The following CERK variants were observed in gnomAD, a reference collection of about 807,000 sequenced individuals.
CERK encodes the protein ceramide kinase.
In CERK, 39 loss-of-function variants were observed where a neutral mutation model predicts 63.4. That is an observed-to-expected ratio of 0.61 (90% CI 0.48 to 0.80). The LOEUF is 0.80. Among genes scored for constraint, CERK ranks in the 30% least tolerant of loss-of-function variants. CERK has a pLI of 0.00. For synonymous variants in CERK, 302 were observed against 280.0 expected (o/e 1.08, Z -0.78); for missense variants, 670 against 714.1 (o/e 0.94, Z 0.70).
intron 1 of CERK, among the ~76,000 whole-genome samples, chr22:46,732,793 G>A (rs375455533): frequency 6.6e-6 from 1 of 152,030 alleles, no homozygotes; most frequent in African/African-American, 2.4e-5. Flanking sequence ...CTACTCAGAC[G>A]CTCAGCATCC....
chr22:46,727,144 A>G (rs2082922596), intron 1 of CERK, among the ~76,000 whole-genome samples: 1 of 152,222 alleles, frequency 6.6e-6, no homozygotes, highest in South Asian at 2.1e-4. Context: ...ACGGATGATG[A>G]AGAAAATCTC....
chr22:46,733,706 C>G (rs898750598), intron 1 of CERK, among the ~76,000 whole-genome samples: 2 of 151,984 alleles, frequency 1.3e-5, no homozygotes, highest in South Asian at 4.1e-4. Flanking sequence ...GTTAGGAGAG[C>G]CTTTTCCCAT....
chr22:46,702,227 GTGTGTGTGT>G (rs1569322058), intron 6 of CERK, among the ~76,000 whole-genome samples: 1 of 85,202 alleles, frequency 1.2e-5, no homozygotes, highest in African/African-American at 5.0e-5. Context: ...ATATATATGT[GTGTGTGTGT>G]GTGTGTGTGT....
chr22:46,706,454 T>C (rs2146562361), intron 6 of CERK, among the ~76,000 whole-genome samples: 1 of 152,216 alleles, frequency 6.6e-6, no homozygotes, highest in Middle Eastern at 3.4e-3. Flanking sequence ...AGAGACTTGT[T>C]ATTGGAAGGG....
chr22:46,718,071 G>T (rs1286286646), intron 3 of CERK, among the ~76,000 whole-genome samples: 1 of 151,318 alleles, frequency 6.6e-6, no homozygotes, highest in Non-Finnish European at 1.5e-5. Flanking sequence ...GAGTGAGATT[G>T]TCTCAAAAAC....
chr22:46,727,921 T>C (rs1452044558), intron 1 of CERK, among the ~76,000 whole-genome samples: 2 of 150,668 alleles, frequency 1.3e-5, no homozygotes, highest in East Asian at 2.0e-4. Context: ...TGCCAAATCA[T>C]TCCTCTCAGG....
rs150385754 is a variant in CERK at position 46,710,990 on chromosome 22, G to A, written c.569+96C>T. 1,207 of 930,884 alleles carry A rather than the reference G, an allele frequency of 1.3e-3. 31 individuals carry two copies. The East Asian group carries it at 0.026, about 20-fold the overall frequency. 57.7% of individuals were successfully genotyped at this position (930,884 alleles called of 1,614,324 possible). On this transcript the variant is annotated intron_variant, in intron 5 of 12. Transcript: ENST00000216264. ...ACAATTGGTCGTGGGTGGAGGCGGGGGGCGGATTTAGGAAAAGGAGCTCTC... is the reference window on the plus strand; with the variant it reads ...ACAATTGGTCGTGGGTGGAGGCGGGAGGCGGATTTAGGAAAAGGAGCTCTC...
intron 1 of CERK, among the ~76,000 whole-genome samples, chr22:46,721,303 A>T (rs7284971): frequency 0.11 from 16,027 of 151,600 alleles, 929 homozygotes; most frequent in African/African-American, 0.13. Context: ...ATATATATAT[A>T]TTTTTTTGAG....
chr22:46,689,680 G>A (rs894293937), intron 12 of CERK, among the ~76,000 whole-genome samples: 4 of 152,112 alleles, frequency 2.6e-5, no homozygotes, highest in African/African-American at 9.7e-5. Flanking sequence ...CCAGGGCAAA[G>A]AGCCCAATGC....
intron 10 of CERK, among the ~76,000 whole-genome samples, chr22:46,692,426 T>TAAAAAAAAA (rs553286743): frequency 2.1e-5 from 2 of 93,114 alleles, no homozygotes; most frequent in African/African-American, 9.5e-5. Flanking sequence ...AACTCTGTCT[T>TAAAAAAAAA]AAAAAAAAAA....
At chr22:46,697,963 C>T (rs760217710) in intron 8 of CERK, among the ~76,000 whole-genome samples, 1 of 152,202 alleles carries the variant, frequency 6.6e-6, no homozygotes, top group Non-Finnish European at 1.5e-5. Flanking sequence ...AACAGGTCAC[C>T]GCCGCCTGGC....
At chr22:46,692,104 A>G (rs1396645769) in intron 10 of CERK, among the ~76,000 whole-genome samples, 1 of 152,186 alleles carries the variant, frequency 6.6e-6, no homozygotes, top group Non-Finnish European at 1.5e-5. Context: ...GTGTGGCCTG[A>G]GAGCTAAGAA....
rs541714180 is a variant in CERK, at chr22:46,726,033, C to T, written c.143-5018G>A. Among the ~76,000 whole-genome samples, 153 of 152,366 alleles carry T rather than the reference C, an allele frequency of 1.0e-3. 4 individuals carry two copies. The South Asian group carries it at 0.029, about 29-fold the overall frequency. On this transcript the variant is annotated intron_variant, in intron 1 of 12. Transcript: ENST00000216264. ...GAAGTTCCCGGATTAAACTGAGCCACGCGCAGTGGCCTCCCATCCAGCAGG... is the reference window on the plus strand; with the variant it reads ...GAAGTTCCCGGATTAAACTGAGCCATGCGCAGTGGCCTCCCATCCAGCAGG...
intron 3 of CERK, among the ~76,000 whole-genome samples, chr22:46,716,803 G>A (rs757428801): frequency 1.4e-4 from 21 of 151,914 alleles, no homozygotes; most frequent in Non-Finnish European, 2.2e-4. Context: ...CTAGCCAGGC[G>A]TGGTGGCACA....
chr22:46,690,272 A>G, intron 11 of CERK, 72 bp from the exon 12 acceptor site: 10 of 1,262,180 alleles, frequency 7.9e-6, no homozygotes, highest in Non-Finnish European at 1.1e-5. Context: ...AGAACACCCC[A>G]GGCCTGACAG....
chr22:46,695,015 CATGGGGACAGAG>C (rs1462136111), intron 9 of CERK, among the ~76,000 whole-genome samples, 183 bp downstream of exon 9: 1 of 152,222 alleles, frequency 6.6e-6, no homozygotes, highest in African/African-American at 2.4e-5. Context: ...CTGCGCAGGC[CATGGGGACAGAG>C]ATGGGGACAG....
chr22:46,702,432 C>T (rs536510239), intron 6 of CERK, among the ~76,000 whole-genome samples: 36 of 152,136 alleles, frequency 2.4e-4, no homozygotes, highest in Middle Eastern at 6.8e-3. Context: ...GCTGGGATTA[C>T]AGGCACGCGC....
chr22:46,725,483 G>C (rs1022126760), intron 1 of CERK, among the ~76,000 whole-genome samples: 1 of 152,168 alleles, frequency 6.6e-6, no homozygotes, highest in Non-Finnish European at 1.5e-5. Context: ...CAGCATCCCC[G>C]CACAGCACGT....
intron 3 of CERK, among the ~76,000 whole-genome samples, chr22:46,717,062 C>T (rs1405725438): frequency 3.9e-5 from 6 of 152,192 alleles, no homozygotes; most frequent in Admixed American, 3.9e-4. Context: ...GGCCCATGAA[C>T]ATATGAATGT....
Sources: allele counts gnomAD v4.1 joint callset (sites outside exome capture counted in the v4.1 genomes callset), GRCh38; gene constraint gnomAD v4.1.1; transcripts MANE v1.5; gene names NCBI Gene and HGNC (gene_info 2026-07-23, HGNC 2026-07-21).